The following FMO3 variants were observed in gnomAD, a reference collection of about 807,000 sequenced individuals.
The protein encoded by FMO3 is flavin containing dimethylaniline monoxygenase 3.
Under a neutral mutation model 39.4 loss-of-function variants are expected in FMO3, and 40 were observed. The ratio of observed to expected loss-of-function variants is 1.02; its 90% CI spans 0.79 to 1.32. The LOEUF is 1.32. Among genes scored for constraint, FMO3 ranks in the 40% most tolerant of loss-of-function variants. FMO3 has a pLI of 0.00. For missense variants in FMO3, 680 were observed against 651.8 expected (o/e 1.04, Z -0.47); for synonymous variants, 219 against 228.8 (o/e 0.96, Z 0.39).
In FMO3 at chr1:171,096,651, T is replaced by C. The variant is rs1454796455; in HGVS notation, c.132+3861T>C. ...CTTTATATATTAAATACATAATATATTTTATATTTAAAATATATATTTTAT... is the reference window on the plus strand; with the variant it reads ...CTTTATATATTAAATACATAATATACTTTATATTTAAAATATATATTTTAT... On this transcript the variant is annotated intron_variant, in intron 2 of 8. Transcript: ENST00000367755. Among the ~76,000 whole-genome samples the C allele has an allele frequency of 5.7e-3, 512 of 90,276 alleles. 16 individuals are homozygous for C. The highest frequency in any genetic ancestry group is 0.02 in the African/African-American group (489 of 24,396). 59.2% of individuals were successfully genotyped at this position (90,276 alleles called of 152,430 possible).
chr1:171,109,231 A>C (rs2101915220), intron 5 of FMO3, among the ~76,000 whole-genome samples: 1 of 152,308 alleles, frequency 6.6e-6, no homozygotes, highest in Admixed American at 6.5e-5. Context: ...GGGTTACAGA[A>C]CTGAAAGCCA....
intron 2 of FMO3, among the ~76,000 whole-genome samples, chr1:171,096,800 G>T (rs11578651): frequency 1 from 142,598 of 142,664 alleles, 71,266 homozygotes; most frequent in Non-Finnish European, 1. Flanking sequence ...ATATATATTT[G>T]TAATTATACT....
intron 6 of FMO3, among the ~76,000 whole-genome samples, chr1:171,112,954 A>G (rs1290388398): frequency 6.6e-6 from 1 of 152,222 alleles, no homozygotes; most frequent in Admixed American, 6.5e-5. Context: ...GATGACCTGG[A>G]AACAAAATGA....
chr1:171,114,420 G>T, intron 7 of FMO3, 58 bp downstream of exon 7: 1 of 1,264,130 alleles, frequency 7.9e-7, no homozygotes, highest in South Asian at 1.2e-5. Flanking sequence ...CAATAACTTT[G>T]GATCTTTGTG....
At chr1:171,105,065 T>TA (rs5778693) in intron 3 of FMO3, among the ~76,000 whole-genome samples, 51,959 of 151,824 alleles carry the variant, frequency 0.34, 9,606 homozygotes, top group South Asian at 0.46. Context: ...CTCAATTTTT[T>TA]AAAAAAATCT....
At chr1:171,094,094 G>A (rs1373341810) in intron 2 of FMO3, among the ~76,000 whole-genome samples, 4 of 151,942 alleles carry the variant, frequency 2.6e-5, no homozygotes, top group Admixed American at 2.0e-4. Context: ...CTCCCAAAGT[G>A]CTGGGATTAC....
chr1:171,099,403 A>G (rs1430776090), intron 2 of FMO3, among the ~76,000 whole-genome samples: 3 of 152,172 alleles, frequency 2.0e-5, no homozygotes, highest in African/African-American at 7.2e-5. Flanking sequence ...TGTTATTAAA[A>G]TGTGTTGACA....
At chr1:171,109,728 G>A (rs946205545) in intron 5 of FMO3, among the ~76,000 whole-genome samples, 1 of 151,652 alleles carries the variant, frequency 6.6e-6, no homozygotes, top group African/African-American at 2.4e-5. Flanking sequence ...TTTTAGTAGA[G>A]ACAGGGTTTC....
At chr1:171,096,284 T>TA (rs1553228215) in intron 2 of FMO3, among the ~76,000 whole-genome samples, 1 of 63,262 alleles carries the variant, frequency 1.6e-5, no homozygotes, top group Non-Finnish European at 2.5e-5. Flanking sequence ...ATTATATATA[T>TA]TATATATCTA....
At chr1:171,104,319 AT>A (rs1456496544) in intron 3 of FMO3, among the ~76,000 whole-genome samples, 1 of 152,186 alleles carries the variant, frequency 6.6e-6, no homozygotes, top group Admixed American at 6.6e-5. Flanking sequence ...AAAAATATCT[AT>A]AACTGAATGT....
chr1:171,101,875 TA>T, intron 2 of FMO3: 1 of 386,088 alleles, frequency 2.6e-6, no homozygotes, highest in South Asian at 2.0e-5. Context: ...GTTTTATGAA[TA>T]GTGGCTTTCT....
chr1:171,096,242 C>A (rs1655035816), intron 2 of FMO3, among the ~76,000 whole-genome samples: 2 of 63,202 alleles, frequency 3.2e-5, no homozygotes, highest in South Asian at 6.5e-4. Context: ...TATATTATTT[C>A]ATACATATTA....
At chr1:171,093,847 T>C (rs1166757600) in intron 2 of FMO3, among the ~76,000 whole-genome samples, 1 of 143,154 alleles carries the variant, frequency 7.0e-6, no homozygotes, top group Non-Finnish European at 1.5e-5. Flanking sequence ...TTTTTTTTTT[T>C]TTTTTGAGTG....
At chr1:171,096,772 T>G (rs1418279525) in intron 2 of FMO3, among the ~76,000 whole-genome samples, 1 of 121,828 alleles carries the variant, frequency 8.2e-6, no homozygotes, top group Non-Finnish European at 1.7e-5. Flanking sequence ...ATATAATTAA[T>G]ATAATTATAT....
In FMO3 at chr1:171,116,229, T is replaced by C; in HGVS notation, c.1205T>C (p.Met402Thr). 6.2e-7 allele frequency: 1 copy of C among 1,606,100 alleles called. No homozygotes were observed. Among genetic ancestry groups the C allele is most frequent in the East Asian group, 2.2e-5 (1 of 44,700 alleles). The change falls in exon 8 of 9, where the codon ATG becomes ACG. Residue 402 changes from methionine (M) to threonine (T), a missense_variant. Physicochemically the swap from Met to Thr is moderately conservative, Grantham distance 81. Transcript: ENST00000367755. Reference protein sequence around the residue: ...VIKGTCTLPSMEDMMNDINEK... With the variant: ...VIKGTCTLPSTEDMMNDINEK... ...TCAGGAACTTGTACTTTGCCTTCTATGGAAGACATGATGAATGATATTAAT... is the reference window on the plus strand; with the variant it reads ...TCAGGAACTTGTACTTTGCCTTCTACGGAAGACATGATGAATGATATTAAT...
At chr1:171,096,691 TAATATAA>T (rs1180061779) in intron 2 of FMO3, among the ~76,000 whole-genome samples, 8 of 135,578 alleles carry the variant, frequency 5.9e-5, no homozygotes, top group African/African-American at 8.1e-5. Flanking sequence ...AAAATATAAT[TAATATAA>T]TTATATAAAA....
intron 1 of FMO3, 47 bp from the exon 2 acceptor site, chr1:171,092,606 T>G: frequency 6.2e-7 from 1 of 1,606,002 alleles, no homozygotes; most frequent in Non-Finnish European, 8.5e-7. Flanking sequence ...AGTAAATACA[T>G]TTTCAGCAAT....
In FMO3 at chr1:171,106,371, G is replaced by A. The variant is rs1374184595; in HGVS notation, c.322-1304G>A. ...GTCAGGCTGGTCTCAAACTCCCAAC[G>A]TCAGGTGATCTACCTGCCTCACCCT... On this transcript the variant is annotated intron_variant, in intron 3 of 8. Coordinates refer to ENST00000367755, the MANE Select transcript of FMO3 (RefSeq NM_001002294.3). 4.6e-5 allele frequency among the ~76,000 whole-genome samples: 7 copies of A among 152,070 alleles called. No homozygotes were observed. In the South Asian group the frequency reaches 1.0e-3, roughly 23 times the overall value.
Position 171,103,937 on chromosome 1 carries a change from C to T in FMO3, c.285C>T (p.Ala95=). 6.2e-7 allele frequency: 1 copy of T among 1,613,664 alleles called. No homozygotes were observed. Among genetic ancestry groups the T allele is most frequent in the Non-Finnish European group, 8.5e-7 (1 of 1,179,764 alleles). ...TCCAGGAATATATCATTGCATTTGC[C>T]AAAGAAAAGAACCTCCTGAAGTACA... ...SKIQEYIIAF[A]KEKNLLKYIQ... The change falls in exon 3 of 9, where the codon GCC becomes GCT. Residue 95 remains alanine, a synonymous_variant. Transcript: ENST00000367755.
Sources: allele counts gnomAD v4.1 joint callset (sites outside exome capture counted in the v4.1 genomes callset), GRCh38; gene constraint gnomAD v4.1.1; transcripts MANE v1.5; gene names NCBI Gene and HGNC (gene_info 2026-07-23, HGNC 2026-07-21).